Variants in ZNF469 observed in about 807,000 individuals in gnomAD.
The protein encoded by ZNF469 is zinc finger protein 469.
Under a neutral mutation model 1.0 loss-of-function variants are expected in ZNF469, and 1 was observed. The observed-to-expected ratio is 1.00, with a 90% confidence interval of 0.35 to 4.73. The LOEUF (loss-of-function observed/expected upper bound fraction) is 4.73. Ranked by LOEUF, ZNF469 falls within the 30% of genes most tolerant of loss-of-function variation. ZNF469 has a pLI of 0.16. For missense variants in ZNF469, 6,100 were observed against 5,356.3 expected, an observed-to-expected ratio of 1.14 and a Z score of -4.33; for synonymous variants, 2,703 against 2,363.4, an observed-to-expected ratio of 1.14 and a Z score of -4.17.
chr16:88,427,896 G>A lies in ZNF469; in HGVS notation c.426G>A (p.Leu142=). The change falls in exon 3 of 3, where the codon CTG becomes CTA. Residue 142 remains leucine, a synonymous_variant. Coordinates refer to ENST00000565624, the MANE Select transcript of ZNF469 (RefSeq NM_001367624.2). ...TLDETPENPQ[L]EAAQLPEVDT... ...ACGAGACACCAGAGAACCCACAGCT[G>A]GAGGCTGCCCAGCTCCCTGAGGTGG... is the stretch of plus-strand genomic sequence containing the variant. 6.5e-7 allele frequency: 1 copy of A among 1,549,870 alleles called. No individual in the cohort carries two copies. The highest frequency in any genetic ancestry group is 8.7e-7 in the Non-Finnish European group (1 of 1,146,844).
chr16:88,134,083 G>A, the ZNF469 span, among the ~76,000 whole-genome samples: 1 of 142,862 alleles, frequency 7.0e-6, no homozygotes, highest in African/African-American at 2.6e-5. Context: ...GGGCAACAGA[G>A]CGAGTCTCTG....
rs2142306167 is a variant in ZNF469 at position 88,431,950 on chromosome 16, T to C, written c.4480T>C (p.Ser1494Pro). 2.6e-6 allele frequency: 4 copies of C among 1,549,280 alleles called. No individual in the cohort carries two copies. The South Asian group carries it at 3.6e-5, about 14-fold the overall frequency. ...CGACCCTCCCCAGAAGACGGTGCCG[T>C]CAGATCCACCGTACCCCTCTTTTTT... Reference protein sequence around the residue: ...CADPPQKTVPSDPPYPSFLLL... With the variant: ...CADPPQKTVPPDPPYPSFLLL... Residue 1494 changes from serine to proline, a missense_variant, in exon 3 of 3, where the codon TCA becomes CCA. Coordinates refer to ENST00000565624, the MANE Select transcript of ZNF469 (RefSeq NM_001367624.2).
chr16:88,103,679 A>G, the ZNF469 span, among the ~76,000 whole-genome samples: 539 of 151,872 alleles, frequency 3.5e-3, 3 homozygotes, highest in African/African-American at 0.012. Context: ...GGGGCGGTAG[A>G]ATAATCCTCC....
the ZNF469 span, among the ~76,000 whole-genome samples, chr16:88,208,803 A>ACT: frequency 0.011 from 1,392 of 123,642 alleles, 22 homozygotes; most frequent in African/African-American, 0.041. Flanking sequence ...ACACACACAC[A>ACT]CTCTCTCTCT....
chr16:88,371,951 TCACCACCATCATCACC>T, the ZNF469 span, among the ~76,000 whole-genome samples: 1 of 121,444 alleles, frequency 8.2e-6, no homozygotes, highest in African/African-American at 3.2e-5. Context: ...ATCATCACCA[TCACCACCATCATCACC>T]ATCACCACCA....
the ZNF469 span, among the ~76,000 whole-genome samples, chr16:88,183,614 A>AGGCCGGGAAGG: frequency 4.5e-4 from 69 of 152,334 alleles, no homozygotes; most frequent in African/African-American, 1.6e-3. Context: ...TGGTGGTTGG[A>AGGCCGGGAAGG]GGCCGGGAAG....
At chr16:88,243,911 CATATATATATATATATATATATATAT>C in the ZNF469 span, among the ~76,000 whole-genome samples, 8 of 26,274 alleles carry the variant, frequency 3.0e-4, no homozygotes, top group African/African-American at 6.4e-4. Context: ...TGGCTGGATG[CATATATATATATATATATATATATAT>C]ATATATATAT....
Position 88,401,538 on chromosome 16 carries a change from G to GATGGATGGATGGATGGATGA in ZNF469, c.-192+18284_-192+18285insATGGATGGATGGATGGATGA, listed in dbSNP as rs1567501602. 8.9e-3 allele frequency among the ~76,000 whole-genome samples: 732 copies of GATGGATGGATGGATGGATGA among 81,996 alleles called. 8 individuals are homozygous for GATGGATGGATGGATGGATGA. The highest frequency in any genetic ancestry group is 0.012 in the African/African-American group (305 of 24,604). 53.8% of individuals were successfully genotyped at this position (81,996 alleles called of 152,430 possible). On this transcript the variant is annotated intron_variant, in intron 1 of 2. Coordinates refer to ENST00000565624, the MANE Select transcript of ZNF469 (RefSeq NM_001367624.2). ...GAGTGGATGGATGGATGGATGCATGGGTGGATGGATGGATGCATGGGTGGA... is the reference window on the plus strand; with the variant it reads ...GAGTGGATGGATGGATGGATGCATGGATGGATGGATGGATGGATGAGTGGATGGATGGATGCATGGGTGGA...
At position 88,430,514 on chromosome 16, in the gene ZNF469, C is replaced by T; in HGVS notation, c.3044C>T (p.Ala1015Val). The change falls in exon 3 of 3, where the codon GCC becomes GTC. Residue 1015 changes from alanine to valine, a missense_variant. Physicochemically the swap from Ala to Val is moderately conservative, Grantham distance 64. Transcript: ENST00000565624. ...RADPAPRVPRAAALPEETRSS... is the reference protein window; with the variant it reads ...RADPAPRVPRVAALPEETRSS... ...GACCCCGCGCCCCGGGTCCCGAGAG[C>T]CGCCGCCCTCCCCGAGGAGACCCGC... 1 of 1,428,700 alleles carries T rather than the reference C, an allele frequency of 7.0e-7. No homozygotes were observed. 88.5% of individuals were successfully genotyped at this position (1,428,700 alleles called of 1,614,324 possible). A position where few individuals can be genotyped will look rare whatever the true frequency, so the allele number is the denominator to read the frequency against.
chr16:88,164,758 T>C, the ZNF469 span, among the ~76,000 whole-genome samples: 1 of 152,260 alleles, frequency 6.6e-6, no homozygotes, highest in African/African-American at 2.4e-5. Flanking sequence ...AATAAAGCCC[T>C]TAAATCTTCA....
Position 88,428,676 on chromosome 16 carries a change from C to T in ZNF469, c.1206C>T (p.Pro402=). 1.3e-6 allele frequency: 2 copies of T among 1,549,960 alleles called. No homozygotes were observed. Among genetic ancestry groups the T allele is most frequent in the Non-Finnish European group, 1.7e-6 (2 of 1,146,848 alleles). Residue 402 remains proline, a synonymous_variant, in exon 3 of 3, where the codon CCC becomes CCT. Transcript: ENST00000565624. ...CGAGAGGGCCCCCTAGCTCCCTACC[C>T]CAGAGGCACTTTCCAGGGCAGGCGT... ...GSTRGPPSSL[P]QRHFPGQAYR... is the part of the protein sequence containing the mutation.
At chr16:88,189,295 AG>A in the ZNF469 span, among the ~76,000 whole-genome samples, 2 of 152,188 alleles carry the variant, frequency 1.3e-5, no homozygotes, top group Non-Finnish European at 2.9e-5. This position sits in a 1 kb window ranked among gnomAD's most constrained non-coding sequence, Gnocchi z 4.3. Context: ...CTTGGGTGTT[AG>A]CCCCACAAAG....
At chr16:88,323,591 G>C in the ZNF469 span, among the ~76,000 whole-genome samples, 1 of 152,156 alleles carries the variant, frequency 6.6e-6, no homozygotes, top group South Asian at 2.1e-4. Flanking sequence ...CCTGTGGGAA[G>C]GCCTGGGCAG....
rs1357490210 is a variant in ZNF469, at chr16:88,430,787, C to A, written c.3317C>A (p.Pro1106Gln). The A allele has an allele frequency of 6.6e-7, 1 of 1,526,062 alleles. No individual in the cohort carries two copies. Among genetic ancestry groups the A allele is most frequent in the Non-Finnish European group, 8.7e-7 (1 of 1,143,248 alleles). 94.5% of individuals were successfully genotyped at this position (1,526,062 alleles called of 1,614,324 possible). Reference protein sequence around the residue: ...SESEEDEQPPPRGPGFRGRRG... With the variant: ...SESEEDEQPPQRGPGFRGRRG... Reference sequence around the variant, plus strand: ...TCCGAGGAGGACGAGCAGCCTCCGCCGCGGGGCCCCGGCTTCAGAGGCCGG... The same window carrying A: ...TCCGAGGAGGACGAGCAGCCTCCGCAGCGGGGCCCCGGCTTCAGAGGCCGG... Residue 1106 changes from proline to glutamine, a missense_variant, in exon 3 of 3, where the codon CCG becomes CAG. By Grantham distance (76) the Pro-to-Gln change is moderately conservative. Transcript: ENST00000565624.
chr16:88,350,413 G>A, the ZNF469 span, among the ~76,000 whole-genome samples: 2 of 152,234 alleles, frequency 1.3e-5, no homozygotes, highest in East Asian at 1.9e-4. Context: ...GGCCAGAATC[G>A]CCTAGGGGAG....
chr16:88,262,715 G>A, the ZNF469 span, among the ~76,000 whole-genome samples: 27 of 152,238 alleles, frequency 1.8e-4, no homozygotes, highest in South Asian at 8.3e-4. This position sits in a 1 kb window ranked among gnomAD's most constrained non-coding sequence, Gnocchi z 4.3. Flanking sequence ...CACGCATCTC[G>A]GAAGGCTTGA....
Position 88,437,073 on chromosome 16 carries a change from C to T in ZNF469, c.9603C>T (p.Phe3201=), listed in dbSNP as rs975594895. 1.4e-5 allele frequency: 22 copies of T among 1,541,654 alleles called. No homozygotes were observed. Among genetic ancestry groups the T allele is most frequent in the Middle Eastern group, 3.3e-4 (2 of 5,996 alleles). ...ACCTGCGTGAGCACGCGGTCCGCTTCGCCCGCAGGGGGCAGGCGCGGAGGT... is the reference window on the plus strand; with the variant it reads ...ACCTGCGTGAGCACGCGGTCCGCTTTGCCCGCAGGGGGCAGGCGCGGAGGT... ...NEHLREHAVR[F]ARRGQARRSL... The change falls in exon 3 of 3, where the codon TTC becomes TTT. Residue 3201 remains phenylalanine (F), a synonymous_variant. Transcript: ENST00000565624.
chr16:88,350,361 G>A, the ZNF469 span, among the ~76,000 whole-genome samples: 8 of 152,212 alleles, frequency 5.3e-5, no homozygotes, highest in Non-Finnish European at 5.9e-5. Context: ...GCCACATCCC[G>A]GCACAAGGCC....
At chr16:88,129,275 C>G in the ZNF469 span, among the ~76,000 whole-genome samples, 1 of 152,142 alleles carries the variant, frequency 6.6e-6, no homozygotes, top group South Asian at 2.1e-4. Context: ...GCCTTAGGGT[C>G]GTCTCGGCCT....
Sources: allele counts gnomAD v4.1 joint callset (sites outside exome capture counted in the v4.1 genomes callset), GRCh38; gene constraint gnomAD v4.1.1; non-coding constraint Gnocchi (gnomAD v3.1); transcripts MANE v1.5; gene names NCBI Gene and HGNC (gene_info 2026-07-23, HGNC 2026-07-21).